The following GRIN2D variants were observed in gnomAD, a reference collection of about 807,000 sequenced individuals.
GRIN2D encodes the protein glutamate ionotropic receptor NMDA type subunit 2D.
A neutral mutation model predicts 103.2 loss-of-function variants in GRIN2D; 37 were observed. That is an observed-to-expected ratio of 0.36 (90% CI 0.28 to 0.47). The LOEUF is 0.47. Among genes scored for constraint, GRIN2D ranks in the 20% least tolerant of loss-of-function variants. GRIN2D has a pLI of 1.00. For synonymous variants in GRIN2D, 845 were observed against 885.6 expected (o/e 0.95, Z 0.81); for missense variants, 1,557 against 1,910.6 (o/e 0.81, Z 3.45).
chr19:48,439,738 G>A (rs1971270348), intron 11 of GRIN2D, among the ~76,000 whole-genome samples: 1 of 152,250 alleles, frequency 6.6e-6, no homozygotes, highest in South Asian at 2.1e-4. Context: ...GAGGTTGGGA[G>A]TTTGAGACCA....
intron 8 of GRIN2D, among the ~76,000 whole-genome samples, chr19:48,417,767 C>T (rs1303949126): frequency 1.3e-5 from 2 of 152,156 alleles, no homozygotes; most frequent in Non-Finnish European, 2.9e-5. Flanking sequence ...AGTGACAGTC[C>T]AGGGTGCTGA....
intron 2 of GRIN2D, among the ~76,000 whole-genome samples, chr19:48,395,763 G>A (rs886922729): frequency 1.3e-5 from 2 of 152,138 alleles, no homozygotes; most frequent in East Asian, 3.9e-4. Context: ...ATGTTGGGAA[G>A]GATAGGGTTT....
chr19:48,419,316 C>A lies in GRIN2D; in HGVS notation c.1818C>A (p.Tyr606Ter). ...CCGTCACTGTTTTCATCTTCGAGTA[C>A]CTCAGTCCTGTTGGTTACAACCGCA... Reference protein sequence around the residue: ...VVAVTVFIFEYLSPVGYNRSL... With the variant: ...VVAVTVFIFE The change falls in exon 9 of 14, where the codon TAC (tyrosine) becomes TAA (stop). Residue 606 changes from tyrosine (Y) to a stop codon, truncating the protein, a stop_gained. Transcript: ENST00000263269. LOFTEE classifies it high-confidence loss of function. 1 of 1,609,868 alleles carries A rather than the reference C, an allele frequency of 6.2e-7. No homozygotes were observed. Among genetic ancestry groups the A allele is most frequent in the Non-Finnish European group, 8.5e-7 (1 of 1,179,574 alleles).
chr19:48,416,786 G>T (rs1175619055), intron 8 of GRIN2D, among the ~76,000 whole-genome samples: 1 of 148,004 alleles, frequency 6.8e-6, no homozygotes, highest in African/African-American at 2.5e-5. Context: ...TGTCGCCCAG[G>T]CTGGAATGCA....
At chr19:48,429,341 T>C (rs562953247) in intron 11 of GRIN2D, among the ~76,000 whole-genome samples, 1 of 152,204 alleles carries the variant, frequency 6.6e-6, no homozygotes, top group South Asian at 2.1e-4. Context: ...TCCTCCCGCC[T>C]TAGCCTCCCA....
At chr19:48,420,463 T>A (rs1365062050) in intron 10 of GRIN2D, among the ~76,000 whole-genome samples, 2 of 152,026 alleles carry the variant, frequency 1.3e-5, no homozygotes, top group Non-Finnish European at 2.9e-5. Context: ...TTGCAGACAA[T>A]GCTTTTGTAA....
intron 11 of GRIN2D, among the ~76,000 whole-genome samples, chr19:48,431,838 G>C (rs1276303653): frequency 1.3e-5 from 2 of 152,064 alleles, no homozygotes; most frequent in African/African-American, 4.8e-5. Context: ...ACCCGCCCCA[G>C]CCTCCCAAAG....
chr19:48,409,931 C>G (rs12973784), intron 4 of GRIN2D, among the ~76,000 whole-genome samples: 4,827 of 151,392 alleles, frequency 0.032, 119 homozygotes, highest in Non-Finnish European at 0.051. Flanking sequence ...ATTACAGGTG[C>G]CCGCCACCAT....
Position 48,393,918 on chromosome 19 carries a change from T to A in GRIN2D, c.-306+50T>A, listed in dbSNP as rs1048020512. Among the ~76,000 whole-genome samples, 1 of 148,678 alleles carries A rather than the reference T, an allele frequency of 6.7e-6. No individual in the cohort carries two copies. Among genetic ancestry groups the A allele is most frequent in the Non-Finnish European group, 1.5e-5 (1 of 67,178 alleles). The stretch of plus-strand genomic sequence containing the variant: ...CTGGGGCTGGCTGGTGGAGGGGGGG[T>A]GTGTCTGTAAGCGCTGCGGCGGCGG... On this transcript the variant is annotated intron_variant, in intron 1 of 13. Transcript: ENST00000263269. This position sits in a 1 kb window ranked among gnomAD's most constrained non-coding sequence, Gnocchi z 5.6.
At chr19:48,423,768 G>A (rs990524552) in intron 11 of GRIN2D, among the ~76,000 whole-genome samples, 1 of 152,086 alleles carries the variant, frequency 6.6e-6, no homozygotes, top group African/African-American at 2.4e-5. Context: ...AAGGCGGTGA[G>A]AAGCCTTGAG....
At position 48,394,472 on chromosome 19, in the gene GRIN2D, G is replaced by C. The variant is rs1395291633; in HGVS notation, c.-305-186G>C. 6.7e-6 allele frequency among the ~76,000 whole-genome samples: 1 copy of C among 149,908 alleles called. No homozygotes were observed. The highest frequency in any genetic ancestry group is 6.7e-5 in the Admixed American group (1 of 14,998). On this transcript the variant is annotated intron_variant, in intron 1 of 13. Transcript: ENST00000263269. This position sits in a 1 kb window ranked among gnomAD's most constrained non-coding sequence, Gnocchi z 5.1. ...CTGGAAGGGGGGGTGGGGGGGCTGAGGGCACAAAGCGGGGGTGCGAGTGAG... is the reference window on the plus strand; with the variant it reads ...CTGGAAGGGGGGGTGGGGGGGCTGACGGCACAAAGCGGGGGTGCGAGTGAG...
intron 3 of GRIN2D, among the ~76,000 whole-genome samples, chr19:48,399,899 G>A (rs1396643712): frequency 1.3e-5 from 2 of 151,896 alleles, no homozygotes; most frequent in Non-Finnish European, 1.5e-5. Flanking sequence ...CCAGCGAGGG[G>A]CGGGGCCTAA....
intron 11 of GRIN2D, among the ~76,000 whole-genome samples, chr19:48,438,787 G>GTTTTGT (rs1971260806): frequency 6.6e-6 from 1 of 151,538 alleles, no homozygotes; most frequent in Non-Finnish European, 1.5e-5. Flanking sequence ...GTGTTCATTT[G>GTTTTGT]TTTTGTTTTT....
At chr19:48,432,773 CTT>C (rs567358434) in intron 11 of GRIN2D, among the ~76,000 whole-genome samples, 1 of 136,370 alleles carries the variant, frequency 7.3e-6, no homozygotes, top group Non-Finnish European at 1.6e-5. Flanking sequence ...ACTGGACTTT[CTT>C]TTTTTTTTTT....
At chr19:48,412,478 A>G (rs1449154515) in intron 4 of GRIN2D, among the ~76,000 whole-genome samples, 2 of 150,616 alleles carry the variant, frequency 1.3e-5, no homozygotes, top group Non-Finnish European at 2.9e-5. Context: ...AGAAAGAAAG[A>G]AAGAGAGAGA....
At chr19:48,415,640 C>A (rs1970938294) in intron 7 of GRIN2D, among the ~76,000 whole-genome samples, 1 of 106,782 alleles carries the variant, frequency 9.4e-6, no homozygotes, top group Non-Finnish European at 1.9e-5. Context: ...GGGTGGGACT[C>A]CTAGGGGAAG....
At chr19:48,426,224 C>CTTTTTTTTTTTTTTCTTT (rs1555893888) in intron 11 of GRIN2D, among the ~76,000 whole-genome samples, 9 of 120,112 alleles carry the variant, frequency 7.5e-5, no homozygotes, top group Non-Finnish European at 1.0e-4. Flanking sequence ...TTCTTTCTTT[C>CTTTTTTTTTTTTTTCTTT]TTTTTTTTTT....
intron 7 of GRIN2D, 117 bp from the exon 8 acceptor site, chr19:48,415,885 C>A: frequency 1.1e-6 from 1 of 871,384 alleles, no homozygotes; most frequent in Non-Finnish European, 1.9e-6. Flanking sequence ...TCCCTCTTGG[C>A]CCCTTCCCTC....
At chr19:48,407,935 C>T (rs1970811011) in intron 4 of GRIN2D, among the ~76,000 whole-genome samples, 1 of 152,166 alleles carries the variant, frequency 6.6e-6, no homozygotes, top group African/African-American at 2.4e-5. Flanking sequence ...TGCCTGTAAT[C>T]TCAGCATTTC....
Sources: gnomAD v4.1 joint callset for allele counts (sites outside exome capture counted in the v4.1 genomes callset) on GRCh38, gnomAD v4.1.1 for gene constraint, Gnocchi (gnomAD v3.1) non-coding constraint, MANE v1.5 for transcripts, NCBI Gene and HGNC (gene_info 2026-07-23, HGNC 2026-07-21) for gene names.